The following SPAG16 variants were observed in gnomAD, a reference collection of about 807,000 sequenced individuals.
SPAG16 encodes the protein sperm associated antigen 16, also known as sperm-associated antigen 16 protein.
Under a neutral mutation model 80.4 loss-of-function variants are expected in SPAG16, and 86 were observed. That is an observed-to-expected ratio of 1.07 (90% CI 0.90 to 1.28). The LOEUF (loss-of-function observed/expected upper bound fraction) is 1.28. Among genes scored for constraint, SPAG16 ranks in the 50% most tolerant of loss-of-function variants. The probability of loss-of-function intolerance (pLI) is 0.00; values close to 1 mark genes in which losing one functional copy is unlikely to be tolerated. For missense variants in SPAG16, 870 were observed against 765.3 expected (o/e 1.14, Z -1.61); for synonymous variants, 294 against 265.9 (o/e 1.11, Z -1.03).
intron 11 of SPAG16, among the ~76,000 whole-genome samples, chr2:213,880,055 C>G (rs2076287275): frequency 6.6e-6 from 1 of 152,142 alleles, no homozygotes; most frequent in Admixed American, 6.6e-5. Flanking sequence ...TGAGAAATCT[C>G]CAAACTGATT....
At chr2:213,618,652 G>A (rs767880197) in intron 10 of SPAG16, among the ~76,000 whole-genome samples, 4 of 150,480 alleles carry the variant, frequency 2.7e-5, no homozygotes, top group East Asian at 1.9e-4. Context: ...AAACAGAATC[G>A]TGTTTATAGT....
intron 9 of SPAG16, among the ~76,000 whole-genome samples, chr2:213,418,896 G>C (rs561984914): frequency 6.6e-6 from 1 of 152,070 alleles, no homozygotes; most frequent in South Asian, 2.1e-4. Flanking sequence ...TTGCTTAGGG[G>C]CACCATCAAC....
At chr2:213,891,130 C>A (rs2076770818) in intron 11 of SPAG16, among the ~76,000 whole-genome samples, 1 of 151,926 alleles carries the variant, frequency 6.6e-6, no homozygotes. Context: ...CATTAAAAAG[C>A]ATAATAACAA....
intron 12 of SPAG16, among the ~76,000 whole-genome samples, chr2:213,944,857 A>G (rs1443964361): frequency 1.3e-5 from 2 of 152,110 alleles, no homozygotes; most frequent in African/African-American, 4.8e-5. Context: ...GAGATGGCGA[A>G]ACCCCGTGTC....
intron 9 of SPAG16, among the ~76,000 whole-genome samples, chr2:213,423,194 T>G (rs1040384560): frequency 1.3e-5 from 2 of 152,232 alleles, no homozygotes; most frequent in Admixed American, 1.3e-4. Flanking sequence ...ATCCAGTACA[T>G]TCTTGCTATC....
At chr2:213,402,766 T>G (rs1345362252) in intron 9 of SPAG16, among the ~76,000 whole-genome samples, 4 of 152,254 alleles carry the variant, frequency 2.6e-5, no homozygotes, top group Non-Finnish European at 4.4e-5. Context: ...TCATCATTTT[T>G]TATGGCTGCA....
intron 13 of SPAG16, among the ~76,000 whole-genome samples, chr2:214,072,652 CAG>C (rs1201829888): frequency 2.0e-5 from 3 of 151,786 alleles, no homozygotes; most frequent in Non-Finnish European, 2.9e-5. Flanking sequence ...ATTTAGGTAA[CAG>C]AAATGAAAGC....
intron 10 of SPAG16, among the ~76,000 whole-genome samples, chr2:213,631,004 G>A (rs763455370): frequency 2.6e-5 from 4 of 152,148 alleles, no homozygotes; most frequent in Non-Finnish European, 5.9e-5. Context: ...CTCTTAGGAG[G>A]TGCCCTGGAG....
At chr2:213,315,836 A>C (rs1360302532) in intron 4 of SPAG16, among the ~76,000 whole-genome samples, 1 of 151,912 alleles carries the variant, frequency 6.6e-6, no homozygotes, top group Admixed American at 6.6e-5. Flanking sequence ...CCCTGGGCAC[A>C]GCTCTCAGAT....
chr2:214,351,828 T>G (rs1420603163), intron 15 of SPAG16, among the ~76,000 whole-genome samples: 1 of 71,904 alleles, frequency 1.4e-5, no homozygotes, highest in South Asian at 8.3e-4. Context: ...TATATTCTAT[T>G]TGACACACAA....
At chr2:214,255,577 A>G (rs1192806428) in intron 15 of SPAG16, among the ~76,000 whole-genome samples, 1 of 151,954 alleles carries the variant, frequency 6.6e-6, no homozygotes, top group African/African-American at 2.4e-5. Flanking sequence ...TAATATTTCC[A>G]TGAGGCAGTG....
intron 14 of SPAG16, among the ~76,000 whole-genome samples, chr2:214,145,043 T>A (rs1231965505): frequency 6.6e-6 from 1 of 152,134 alleles, no homozygotes; most frequent in Non-Finnish European, 1.5e-5. Flanking sequence ...AATATTTGTT[T>A]TAAAAAATTA....
intron 14 of SPAG16, among the ~76,000 whole-genome samples, chr2:214,127,787 T>C (rs2125483726): frequency 6.6e-6 from 1 of 152,012 alleles, no homozygotes; most frequent in East Asian, 1.9e-4. Context: ...CAGGGAAAGC[T>C]TGTCTGGGTG....
At chr2:214,149,936 A>C (rs774376001) in intron 15 of SPAG16, among the ~76,000 whole-genome samples, 10 of 152,088 alleles carry the variant, frequency 6.6e-5, no homozygotes, top group Non-Finnish European at 1.0e-4. Flanking sequence ...TTGCATCTGC[A>C]TCTTTAATGA....
intron 10 of SPAG16, among the ~76,000 whole-genome samples, chr2:213,617,981 C>T (rs2061653951): frequency 6.6e-6 from 1 of 152,118 alleles, no homozygotes; most frequent in African/African-American, 2.4e-5. Flanking sequence ...CCTACACTCA[C>T]CTCAAAAGGG....
intron 11 of SPAG16, among the ~76,000 whole-genome samples, chr2:213,891,107 AAC>A (rs2106078259): frequency 6.6e-6 from 1 of 152,108 alleles, no homozygotes; most frequent in South Asian, 2.1e-4. Context: ...TCATTTTATA[AAC>A]ACAGAATATA....
intron 10 of SPAG16, among the ~76,000 whole-genome samples, chr2:213,834,311 A>G (rs1231752230): frequency 1.3e-5 from 2 of 152,196 alleles, no homozygotes; most frequent in Non-Finnish European, 2.9e-5. Flanking sequence ...AAAGCTCTAC[A>G]TGACATGGGA....
intron 13 of SPAG16, among the ~76,000 whole-genome samples, chr2:214,022,022 TG>T (rs1373601972): frequency 2.6e-5 from 4 of 152,138 alleles, no homozygotes; most frequent in Admixed American, 2.6e-4. Context: ...TCCCCATGCT[TG>T]TTCCTCTGGA....
chr2:214,262,446 T>A (rs76732414), intron 15 of SPAG16, among the ~76,000 whole-genome samples: 3,500 of 152,134 alleles, frequency 0.023, 92 homozygotes, highest in African/African-American at 0.06. Flanking sequence ...TATCATTATC[T>A]TAACAATAAT....
Sources: allele counts gnomAD v4.1 joint callset (sites outside exome capture counted in the v4.1 genomes callset), GRCh38; gene constraint gnomAD v4.1.1; transcripts MANE v1.5; gene names NCBI Gene and HGNC (gene_info 2026-07-23, HGNC 2026-07-21).